EHBP1: variants seen among roughly 807,000 people sequenced by gnomAD.
The protein encoded by EHBP1 is EH domain binding protein 1, also known as EH domain-binding protein 1.
A neutral mutation model predicts 144.0 loss-of-function variants in EHBP1; 55 were observed. The ratio of observed to expected loss-of-function variants is 0.38; its 90% confidence interval spans 0.31 to 0.48. EHBP1 has a LOEUF of 0.48. Ranked by LOEUF, EHBP1 falls within the 20% of genes least tolerant of loss-of-function variation. The pLI, the probability that EHBP1 is intolerant of heterozygous loss-of-function variation, is 0.98. For synonymous variants in EHBP1, 469 were observed against 472.7 expected, an observed-to-expected ratio of 0.99 and a Z score of 0.10; for missense variants, 1,200 against 1,364.2, an observed-to-expected ratio of 0.88 and a Z score of 1.90.
At chr2:62,775,836 G>T (rs900997924) in intron 5 of EHBP1, among the ~76,000 whole-genome samples, 69 of 152,148 alleles carry the variant, frequency 4.5e-4, no homozygotes, top group African/African-American at 1.4e-3. Context: ...ATAGCTAACA[G>T]GTTGGGATTT....
chr2:62,958,343 A>G (rs2057824824), intron 14 of EHBP1, among the ~76,000 whole-genome samples: 1 of 152,242 alleles, frequency 6.6e-6, no homozygotes, highest in Non-Finnish European at 1.5e-5. Flanking sequence ...ATGAATAAAC[A>G]CATCCTGATA....
intron 19 of EHBP1, among the ~76,000 whole-genome samples, chr2:63,031,222 A>C (rs2061234610): frequency 6.6e-6 from 1 of 152,180 alleles, no homozygotes; most frequent in Non-Finnish European, 1.5e-5. Flanking sequence ...AGGCTATAGG[A>C]CAGGGAGTGG....
At chr2:62,691,547 G>A (rs1201718083) in intron 1 of EHBP1, among the ~76,000 whole-genome samples, 2 of 152,064 alleles carry the variant, frequency 1.3e-5, no homozygotes, top group Non-Finnish European at 2.9e-5. Context: ...TATTTCTAGA[G>A]AAGAAAAAAG....
chr2:62,754,079 G>T (rs918339708), intron 3 of EHBP1, among the ~76,000 whole-genome samples: 3 of 152,172 alleles, frequency 2.0e-5, no homozygotes, highest in Non-Finnish European at 2.9e-5. Flanking sequence ...CTGATTTTTA[G>T]AATTTTCAGC....
At chr2:62,942,549 A>G (rs2056821268) in intron 10 of EHBP1, among the ~76,000 whole-genome samples, 169 bp from the exon 11 acceptor site, 1 of 152,266 alleles carries the variant, frequency 6.6e-6, no homozygotes, top group South Asian at 2.1e-4. Context: ...ACTGAAGATA[A>G]TTTAAGATTT....
At chr2:62,883,831 C>T (rs563610566) in intron 10 of EHBP1, among the ~76,000 whole-genome samples, 1 of 152,218 alleles carries the variant, frequency 6.6e-6, no homozygotes, top group Admixed American at 6.5e-5. Flanking sequence ...GTTAGCTGCG[C>T]ATCATGGCTC....
intron 7 of EHBP1, among the ~76,000 whole-genome samples, chr2:62,837,551 G>C (rs920183954): frequency 6.6e-6 from 1 of 151,908 alleles, no homozygotes; most frequent in African/African-American, 2.4e-5. Context: ...TGGCAAATTG[G>C]ATAAAGAGTC....
chr2:62,974,492 C>A (rs1199751116), intron 14 of EHBP1, among the ~76,000 whole-genome samples: 1 of 152,138 alleles, frequency 6.6e-6, no homozygotes, highest in Non-Finnish European at 1.5e-5. Context: ...CCTTCCAAAT[C>A]TCTTTCTATG....
At chr2:63,007,463 A>G (rs1314767016) in intron 19 of EHBP1, among the ~76,000 whole-genome samples, 1 of 151,802 alleles carries the variant, frequency 6.6e-6, no homozygotes, top group Non-Finnish European at 1.5e-5. Flanking sequence ...GTGTGTGTAT[A>G]AAATATTTGC....
chr2:62,751,467 A>C (rs2039711765), intron 3 of EHBP1, among the ~76,000 whole-genome samples: 1 of 152,148 alleles, frequency 6.6e-6, no homozygotes, highest in Non-Finnish European at 1.5e-5. Flanking sequence ...TGTCTGTGCC[A>C]GGCTTTGGTA....
chr2:62,743,340 C>T (rs1487958517), intron 2 of EHBP1, among the ~76,000 whole-genome samples: 1 of 151,866 alleles, frequency 6.6e-6, no homozygotes, highest in East Asian at 1.9e-4. Flanking sequence ...TGTCACTGTT[C>T]ATGTTTTTTC....
chr2:62,698,163 G>A (rs1181280689), intron 1 of EHBP1, among the ~76,000 whole-genome samples: 1 of 152,222 alleles, frequency 6.6e-6, no homozygotes, highest in Non-Finnish European at 1.5e-5. Context: ...AAGTTGAACA[G>A]TTAACAATAT....
At chr2:62,750,905 A>G (rs1191383291) in intron 3 of EHBP1, among the ~76,000 whole-genome samples, 2 of 152,196 alleles carry the variant, frequency 1.3e-5, no homozygotes, top group African/African-American at 2.4e-5. Flanking sequence ...GGGGTTTTCT[A>G]AATATACAAT....
rs960562472 is a variant in EHBP1, at chr2:62,696,445, C to CT, written c.-295-10442dup. 3.7e-3 allele frequency among the ~76,000 whole-genome samples: 536 copies of CT among 142,974 alleles called. 3 individuals carry two copies. The highest frequency in any genetic ancestry group is 0.013 in the African/African-American group (490 of 38,818). The allele number at this position is 142,974 out of a possible 152,430, so 93.8% of individuals were successfully genotyped here. Reference sequence around the variant, plus strand: ...AACAGGGGTGAGCTACCATGCCCAGCTTTTTTTTTTCTTTTCCTTTTTCTT... The same window carrying CT: ...AACAGGGGTGAGCTACCATGCCCAGCTTTTTTTTTTTCTTTTCCTTTTTCTT... On this transcript the variant is annotated intron_variant, in intron 1 of 22. Transcript: ENST00000405015.
intron 1 of EHBP1, among the ~76,000 whole-genome samples, chr2:62,676,440 C>G (rs1482710467): frequency 6.6e-6 from 1 of 152,122 alleles, no homozygotes; most frequent in African/African-American, 2.4e-5. Context: ...TGTCATATTC[C>G]TTTCAGAATT....
Position 62,828,208 on chromosome 2 carries a change from G to A in EHBP1, c.494+1940G>A, listed in dbSNP as rs148125599. ...CATACTATATTTAGAAGATAACGGC[G>A]TATTAAGCATTACTTTACAAAGAAA... On this transcript the variant is annotated intron_variant, in intron 6 of 22. Coordinates refer to ENST00000431489, the MANE Select transcript of EHBP1 (RefSeq NM_001142616.3). Among the ~76,000 whole-genome samples the A allele has an allele frequency of 2.4e-3, 367 of 152,254 alleles. 2 individuals are homozygous for A. The Middle Eastern group carries it at 0.027, about 11-fold the overall frequency.
At chr2:62,953,610 A>G (rs1308856085) in intron 13 of EHBP1, among the ~76,000 whole-genome samples, 2 of 151,980 alleles carry the variant, frequency 1.3e-5, no homozygotes, top group African/African-American at 2.4e-5. Flanking sequence ...ATTTAAGACC[A>G]TGAGAAAATG....
At chr2:62,926,629 G>C (rs991352871) in intron 10 of EHBP1, among the ~76,000 whole-genome samples, 1 of 151,914 alleles carries the variant, frequency 6.6e-6, no homozygotes, top group African/African-American at 2.4e-5. Context: ...ATCACAAAGA[G>C]ATATCTCTTT....
chr2:62,751,046 A>G (rs903262573), intron 3 of EHBP1, among the ~76,000 whole-genome samples: 13 of 152,214 alleles, frequency 8.5e-5, no homozygotes, highest in Non-Finnish European at 1.3e-4. Flanking sequence ...GAGAGAGGGC[A>G]TCCCTGTCTT....
Sources: gnomAD v4.1 joint callset for allele counts (sites outside exome capture counted in the v4.1 genomes callset) on GRCh38, gnomAD v4.1.1 for gene constraint, MANE v1.5 for transcripts, NCBI Gene and HGNC (gene_info 2026-07-23, HGNC 2026-07-21) for gene names.